STARD9: variants seen among roughly 807,000 people sequenced by gnomAD.
STARD9 encodes the protein StAR related lipid transfer domain containing 9.
A neutral mutation model predicts 399.8 loss-of-function variants in STARD9; 346 were observed. That is an observed-to-expected ratio of 0.87 (90% CI 0.79 to 0.95). The LOEUF (loss-of-function observed/expected upper bound fraction) is 0.95, where lower values mean the gene tolerates loss of function less well. STARD9 is among the 40% of genes least tolerant of loss of function. The probability of loss-of-function intolerance (pLI) is 0.00; values close to 1 mark genes in which losing one functional copy is unlikely to be tolerated. For missense variants in STARD9, 5,832 were observed against 5,667.5 expected (o/e 1.03, Z -0.93); for synonymous variants, 2,203 against 2,143.5 (o/e 1.03, Z -0.77).
intron 3 of STARD9, among the ~76,000 whole-genome samples, chr15:42,592,992 T>G (rs778050361): frequency 2.0e-5 from 3 of 152,144 alleles, no homozygotes; most frequent in Non-Finnish European, 2.9e-5. Flanking sequence ...AGCTCTAAAA[T>G]AGAGATCATA....
chr15:42,585,423 T>C, intron 2 of STARD9, 98 bp from the exon 3 acceptor site: 1 of 712,592 alleles, frequency 1.4e-6, no homozygotes, highest in Non-Finnish European at 2.4e-6. Context: ...TCATGACCAG[T>C]CCAAGTCTCT....
intron 26 of STARD9, among the ~76,000 whole-genome samples, chr15:42,712,074 A>AT (rs1272814843): frequency 2.6e-5 from 1 of 37,980 alleles, no homozygotes; most frequent in South Asian, 9.1e-4. Flanking sequence ...TTATATATAT[A>AT]TATATATTAT....
chr15:42,673,919 T>G (rs1410999779), intron 16 of STARD9: 2 of 456,368 alleles, frequency 4.4e-6, no homozygotes, highest in Non-Finnish European at 8.8e-6. Context: ...CTTTTACCCT[T>G]CTTAGAATCT....
chr15:42,692,276 A>C lies in STARD9; in HGVS notation c.10698A>C (p.Leu3566Phe), dbSNP rs1263213708. Residue 3566 changes from leucine to phenylalanine, a missense_variant, in exon 23 of 33, where the codon TTA (leucine) becomes TTC (phenylalanine). Transcript: ENST00000290607. ...TCCGAGGGAGTTCTTCAATTGCCTT[A>C]GGAGACCCCCACATCCCGACGAGCC... ...EVFRGSSSIA[L>F]GDPHIPTSPE... is the part of the protein sequence containing the mutation. The C allele has an allele frequency of 4.6e-6, 7 of 1,537,042 alleles. No individual in the cohort carries two copies. Among genetic ancestry groups the C allele is most frequent in the Non-Finnish European group, 6.1e-6 (7 of 1,146,880 alleles).
rs2060500398 is a variant in STARD9 at position 42,684,403 on chromosome 15, A to G, written c.2825A>G (p.His942Arg). Residue 942 changes from histidine to arginine, a missense_variant, in exon 23 of 33, where the codon CAT (histidine) becomes CGT (arginine). This residue lies in a region of STARD9 where 5,828 missense variants were observed against 5,651.1 expected (regional missense o/e 1.03). Coordinates refer to ENST00000290607, the MANE Select transcript of STARD9 (RefSeq NM_020759.3). ...ATGGAGATGGGGGTTAAGCAGCCCC[A>G]TCAGATGGTGAGCCAGGGCTTAGCA... ...QEMEMGVKQP[H>R]QMVSQGLASL... The G allele has an allele frequency of 2.0e-6, 3 of 1,537,096 alleles. No homozygotes were observed. The African/African-American group carries it at 4.1e-5, about 21-fold the overall frequency.
At chr15:42,622,525 C>T (rs2059113473) in intron 3 of STARD9, among the ~76,000 whole-genome samples, 1 of 152,086 alleles carries the variant, frequency 6.6e-6, no homozygotes, top group African/African-American at 2.4e-5. Context: ...GAGCCACTGC[C>T]CAGCGGATGT....
chr15:42,599,687 C>T (rs1050425791), intron 3 of STARD9, among the ~76,000 whole-genome samples: 2 of 152,166 alleles, frequency 1.3e-5, no homozygotes, highest in Non-Finnish European at 2.9e-5. Flanking sequence ...GACTAGGTCT[C>T]ATCTATCTTT....
At chr15:42,713,659 G>C (rs576997650) in intron 26 of STARD9, among the ~76,000 whole-genome samples, 2 of 152,228 alleles carry the variant, frequency 1.3e-5, no homozygotes, top group African/African-American at 4.8e-5. Context: ...TAATCTTACT[G>C]GGTCTTTTCT....
Position 42,665,818 on chromosome 15 carries a change from G to T in STARD9, c.1287G>T (p.Leu429=), listed in dbSNP as rs1328603943. The change falls in exon 15 of 33, where the codon CTG becomes CTT. Residue 429 remains leucine, a synonymous_variant. Coordinates refer to ENST00000290607, the MANE Select transcript of STARD9 (RefSeq NM_020759.3). ...TCAGTTCATTGAGTGATGAAAACCT[G>T]AAGGAGCTGGTTCTCCAAAATGAAT... ...RNFSSLSDEN[L]KELVLQNELK... The T allele has an allele frequency of 2.0e-6, 3 of 1,537,194 alleles. No individual in the cohort carries two copies. Among genetic ancestry groups the T allele is most frequent in the Non-Finnish European group, 2.6e-6 (3 of 1,146,868 alleles).
intron 4 of STARD9, among the ~76,000 whole-genome samples, chr15:42,635,766 A>G (rs2141920200): frequency 6.6e-6 from 1 of 152,282 alleles, no homozygotes; most frequent in South Asian, 2.1e-4. Context: ...TTTGTTGTGG[A>G]CAAGACCTGG....
Position 42,686,981 on chromosome 15 carries a change from G to A in STARD9, c.5403G>A (p.Leu1801=), listed in dbSNP as rs756236235. 55 of 1,536,534 alleles carry A rather than the reference G, an allele frequency of 3.6e-5. No individual in the cohort carries two copies. Among genetic ancestry groups the A allele is most frequent in the Non-Finnish European group, 4.6e-5 (53 of 1,146,728 alleles). ...ATTTGAAGAATAATTTGCCAGTGCT[G>A]TTACAAAACCAGAATTCTAAGATTG... The part of the protein sequence containing the change: ...GAYLKNNLPV[L]LQNQNSKIAS... The change falls in exon 23 of 33, where the codon CTG becomes CTA. Residue 1801 remains leucine (L), a synonymous_variant. Coordinates refer to ENST00000290607, the MANE Select transcript of STARD9 (RefSeq NM_020759.3).
intron 3 of STARD9, among the ~76,000 whole-genome samples, chr15:42,626,270 CTCCTCCTCT>C (rs1445908821): frequency 1.0e-4 from 15 of 147,004 alleles, no homozygotes; most frequent in African/African-American, 1.5e-4. Context: ...CTTCCTCTTC[CTCCTCCTCT>C]TCCTCCTCTT....
chr15:42,690,356 T>A lies in STARD9; in HGVS notation c.8778T>A (p.Asp2926Glu). ...GTAGACACCCAAGGGAAGCTTTAGATGGCCCTGTCTTCTCAAGGAACCCTG... is the reference window on the plus strand; with the variant it reads ...GTAGACACCCAAGGGAAGCTTTAGAAGGCCCTGTCTTCTCAAGGAACCCTG... ...APCRHPREAL[D>E]GPVFSRNPEG... Residue 2926 changes from aspartate (D) to glutamate (E), a missense_variant, in exon 23 of 33, where the codon GAT becomes GAA. By Grantham distance (45) the Asp-to-Glu change is conservative. Transcript: ENST00000290607. 1 of 1,537,224 alleles carries A rather than the reference T, an allele frequency of 6.5e-7. No homozygotes were observed. Among genetic ancestry groups the A allele is most frequent in the East Asian group, 2.4e-5 (1 of 40,918 alleles).
At chr15:42,710,939 CTGTT>C (rs1844182357) in intron 26 of STARD9, among the ~76,000 whole-genome samples, 8 of 151,246 alleles carry the variant, frequency 5.3e-5, no homozygotes, top group Admixed American at 2.0e-4. Context: ...GTCTCCCTGT[CTGTT>C]TGTCCCCGTG....
chr15:42,618,399 C>A (rs1175601760), intron 3 of STARD9, among the ~76,000 whole-genome samples: 1 of 152,070 alleles, frequency 6.6e-6, no homozygotes, highest in Non-Finnish European at 1.5e-5. Context: ...TCCCAAAGTG[C>A]TAGGATTACA....
rs2060562472 is a variant in STARD9 at position 42,686,548 on chromosome 15, G to A, written c.4970G>A (p.Ser1657Asn). ...TTTTTCCAGAAGAACGCTTGTCACAGTAATGTCACTACAGCCACCAAAGCA... is the reference window on the plus strand; with the variant it reads ...TTTTTCCAGAAGAACGCTTGTCACAATAATGTCACTACAGCCACCAAAGCA... ...EDFFQKNACH[S>N]NVTTATKADH... Residue 1657 changes from serine to asparagine, a missense_variant, in exon 23 of 33, where the codon AGT becomes AAT. Around this residue, in one of 2 missense-constraint regions of STARD9, gnomAD observed 5,828 missense variants for 5,651.1 expected, o/e 1.03. Transcript: ENST00000290607. 1 of 1,537,594 alleles carries A rather than the reference G, an allele frequency of 6.5e-7. No individual in the cohort carries two copies. Among genetic ancestry groups the A allele is most frequent in the Admixed American group, 2.0e-5 (1 of 50,998 alleles).
At chr15:42,701,983 ACT>A (rs2060973771) in intron 26 of STARD9, among the ~76,000 whole-genome samples, 1 of 122,910 alleles carries the variant, frequency 8.1e-6, no homozygotes, top group African/African-American at 3.5e-5. Flanking sequence ...ACAGTGTGAG[ACT>A]CTGACTCAAA....
intron 20 of STARD9, among the ~76,000 whole-genome samples, chr15:42,678,312 T>G (rs906359850): frequency 2.0e-5 from 3 of 152,218 alleles, no homozygotes; most frequent in African/African-American, 7.2e-5. Flanking sequence ...CTCCAAAGCC[T>G]CCCTTTATTC....
At chr15:42,651,855 G>T (rs1220258116) in intron 8 of STARD9, among the ~76,000 whole-genome samples, 1 of 152,068 alleles carries the variant, frequency 6.6e-6, no homozygotes, top group East Asian at 1.9e-4. Context: ...CTAGATTTTG[G>T]CCCTTTTCTT....
Sources: gnomAD v4.1 joint callset for allele counts (sites outside exome capture counted in the v4.1 genomes callset) on GRCh38, gnomAD v4.1.1 for gene constraint, gnomAD v4.1.1 regional missense constraint, MANE v1.5 for transcripts, NCBI Gene and HGNC (gene_info 2026-07-23, HGNC 2026-07-21) for gene names.